Variants in MFSD6 observed in about 807,000 individuals in gnomAD.
MFSD6 encodes the protein major facilitator superfamily domain-containing protein 6.
In MFSD6, 26 loss-of-function variants were observed where a neutral mutation model predicts 56.3. That is an observed-to-expected ratio of 0.46 (90% confidence interval 0.34 to 0.64). MFSD6 has a LOEUF of 0.64. Ranked by LOEUF, MFSD6 falls within the 30% of genes least tolerant of loss-of-function variation. MFSD6 has a pLI of 0.01. For missense variants in MFSD6, 750 were observed against 986.2 expected (o/e 0.76, Z 3.21); for synonymous variants, 331 against 366.9 (o/e 0.90, Z 1.12).
At position 190,431,217 on chromosome 2, in the gene MFSD6, C is replaced by T. The variant is rs1685983804; in HGVS notation, c.-53-4760C>T. On this transcript the variant is annotated intron_variant, in intron 2 of 7. Coordinates refer to ENST00000392328, the MANE Select transcript of MFSD6 (RefSeq NM_017694.4). The surrounding 1 kb of genome is among the most constrained non-coding windows in gnomAD (Gnocchi z 4.4). ...CCGGGAAGAGGCGCTCCTCACTTCC[C>T]AGACTGGGCAGCCAGGCAGAGGGGC... Among the ~76,000 whole-genome samples, 1 of 150,788 alleles carries T rather than the reference C, an allele frequency of 6.6e-6. No homozygotes were observed. The highest frequency in any genetic ancestry group is 1.5e-5 in the Non-Finnish European group (1 of 67,750).
At chr2:190,481,841 G>GCTGCTT (rs975959351) in intron 4 of MFSD6, among the ~76,000 whole-genome samples, 20 of 152,166 alleles carry the variant, frequency 1.3e-4, no homozygotes, top group African/African-American at 4.3e-4. Flanking sequence ...TGCTGCTGCT[G>GCTGCTT]CTGCTAAGTC....
rs1226990363 is a variant in MFSD6 at position 190,459,633 on chromosome 2, GA to G, written c.1533-10118del. On this transcript the variant is annotated intron_variant, in intron 3 of 7. Coordinates refer to ENST00000392328, the MANE Select transcript of MFSD6 (RefSeq NM_017694.4). The surrounding 1 kb of genome is among the most constrained non-coding windows in gnomAD (Gnocchi z 5.3). ...CTACCTGGAGATACACACAACTTAAGAAAAAAACAGATAAACTAAAATAACA... is the reference window on the plus strand; with the variant it reads ...CTACCTGGAGATACACACAACTTAAGAAAAAACAGATAAACTAAAATAACA... Among the ~76,000 whole-genome samples, 9 of 151,964 alleles carry G rather than the reference GA, an allele frequency of 5.9e-5. No individual in the cohort carries two copies. The highest frequency in any genetic ancestry group is 1.5e-5 in the Non-Finnish European group (1 of 67,954).
chr2:190,420,978 C>G (rs1328631898), intron 2 of MFSD6, among the ~76,000 whole-genome samples: 1 of 152,156 alleles, frequency 6.6e-6, no homozygotes, highest in Non-Finnish European at 1.5e-5. Context: ...TTTGTTGATA[C>G]TGTGAGAACT....
In MFSD6 at chr2:190,418,902, G is replaced by A. The variant is rs1180298550; in HGVS notation, c.-54+3489G>A. On this transcript the variant is annotated intron_variant, in intron 2 of 7. Coordinates refer to ENST00000392328, the MANE Select transcript of MFSD6 (RefSeq NM_017694.4). This position sits in a 1 kb window ranked among gnomAD's most constrained non-coding sequence, Gnocchi z 4.1. ...GCCCGTGGGCAGTGCTGAGTGCCTG[G>A]AGGGCTCAGGCTGGAAACTGGGCTG... Among the ~76,000 whole-genome samples, 1 of 152,218 alleles carries A rather than the reference G, an allele frequency of 6.6e-6. No individual in the cohort carries two copies. The highest frequency in any genetic ancestry group is 1.5e-5 in the Non-Finnish European group (1 of 68,028).
rs375901596 is a variant in MFSD6 at position 190,500,200 on chromosome 2, G to A, written c.2358G>A (p.Leu786=). Residue 786 remains leucine (L), a synonymous_variant, in exon 8 of 8, where the codon CTG becomes CTA. Coordinates refer to ENST00000392328, the MANE Select transcript of MFSD6 (RefSeq NM_017694.4). The surrounding 1 kb of genome is among the most constrained non-coding windows in gnomAD (Gnocchi z 5.3). ...AGAGTGAAGAGCAGCAGGCTCAGCT[G>A]GCCGCGGGAGGACACTGAGGGCATC... ...TEESEEQQAQ[L]AAGGH is the part of the protein sequence containing the mutation. The A allele has an allele frequency of 1.7e-5, 28 of 1,614,146 alleles. 2 individuals are homozygous for A. In the African/African-American group the frequency reaches 2.4e-4, roughly 14 times the overall value.
chr2:190,475,594 C>T (rs569919503), intron 4 of MFSD6, among the ~76,000 whole-genome samples: 1 of 152,302 alleles, frequency 6.6e-6, no homozygotes, highest in East Asian at 1.9e-4. Context: ...ATTCCATGCT[C>T]ATGGATAGGA....
chr2:190,460,381 C>T (rs947957596), intron 3 of MFSD6, among the ~76,000 whole-genome samples: 6 of 152,170 alleles, frequency 3.9e-5, no homozygotes, highest in Non-Finnish European at 8.8e-5. Flanking sequence ...ATACCATAAT[C>T]AGATATCTTA....
chr2:190,412,143 A>T lies in MFSD6; in HGVS notation c.-175-3149A>T. ...CATAGTTCTATCCAATTCTATGTAA[A>T]ATTAACTAAAACCACTGCTTAGAAT... On this transcript the variant is annotated intron_variant, in intron 1 of 7. Coordinates refer to ENST00000392328, the MANE Select transcript of MFSD6 (RefSeq NM_017694.4). This position sits in a 1 kb window ranked among gnomAD's most constrained non-coding sequence, Gnocchi z 4.1. 3.0e-6 allele frequency: 3 copies of T among 983,902 alleles called. No homozygotes were observed. The highest frequency in any genetic ancestry group is 3.6e-6 in the Non-Finnish European group (3 of 828,544). The allele number at this position is 983,902 out of a possible 1,614,324, so 60.9% of individuals were successfully genotyped here. A position where few individuals can be genotyped will look rare whatever the true frequency, so the allele number is the denominator to read the frequency against.
At position 190,447,514 on chromosome 2, in the gene MFSD6, A is replaced by G. The variant is rs371576779; in HGVS notation, c.1532+9953A>G. Among the ~76,000 whole-genome samples, 4 of 152,216 alleles carry G rather than the reference A, an allele frequency of 2.6e-5. No homozygotes were observed. Among genetic ancestry groups the G allele is most frequent in the African/African-American group, 9.7e-5 (4 of 41,438 alleles). On this transcript the variant is annotated intron_variant, in intron 3 of 7. Transcript: ENST00000392328. The surrounding 1 kb of genome is among the most constrained non-coding windows in gnomAD (Gnocchi z 4.5). ...ATAGTCTGTGTCATAGCACATATGA[A>G]AAAATGACCTACCTAGTGATATAAA...
chr2:190,446,739 C>T (rs971328496), intron 3 of MFSD6, among the ~76,000 whole-genome samples: 1 of 152,278 alleles, frequency 6.6e-6, no homozygotes, highest in Non-Finnish European at 1.5e-5. Context: ...TCTGCTCAAC[C>T]CAAAACTACA....
In MFSD6 at chr2:190,413,343, A is replaced by T. The variant is rs1410474938; in HGVS notation, c.-175-1949A>T. Among the ~76,000 whole-genome samples the T allele has an allele frequency of 6.6e-6, 1 of 152,002 alleles. No homozygotes were observed. Among genetic ancestry groups the T allele is most frequent in the Non-Finnish European group, 1.5e-5 (1 of 68,014 alleles). On this transcript the variant is annotated intron_variant, in intron 1 of 7. Transcript: ENST00000392328. This position sits in a 1 kb window ranked among gnomAD's most constrained non-coding sequence, Gnocchi z 4.1. ...GGGAAGAAATTCAGACCCTTAAAAA[A>T]CCATGTTCAAGAGATGTGGAAAAAA...
rs2124984794 is a variant in MFSD6 at position 190,415,039 on chromosome 2, C to T, written c.-175-253C>T. Among the ~76,000 whole-genome samples the T allele has an allele frequency of 6.6e-6, 1 of 152,218 alleles. No individual in the cohort carries two copies. Among genetic ancestry groups the T allele is most frequent in the South Asian group, 2.1e-4 (1 of 4,828 alleles). Reference sequence around the variant, plus strand: ...TCTCTATAGCTTATTTACCTATTTTCACCATAACTTATTTAACTGTCCTTA... The same window carrying T: ...TCTCTATAGCTTATTTACCTATTTTTACCATAACTTATTTAACTGTCCTTA... On this transcript the variant is annotated intron_variant, in intron 1 of 7. Coordinates refer to ENST00000392328, the MANE Select transcript of MFSD6 (RefSeq NM_017694.4). This position sits in a 1 kb window ranked among gnomAD's most constrained non-coding sequence, Gnocchi z 4.5.
chr2:190,435,978 T>C lies in MFSD6; in HGVS notation c.-52T>C. The C allele has an allele frequency of 6.5e-7, 1 of 1,544,006 alleles. No individual in the cohort carries two copies. Reference sequence around the variant, plus strand: ...CATCTTTTAAATTTTACTTTACAGATCAACAGTACAAATTCTGAAGTTTGT... The same window carrying C: ...CATCTTTTAAATTTTACTTTACAGACCAACAGTACAAATTCTGAAGTTTGT... On this transcript the variant is annotated splice_region_variant and 5_prime_UTR_variant, in exon 3 of 8. Transcript: ENST00000392328.
rs746595017 is a variant in MFSD6 at position 190,497,607 on chromosome 2, C to T, written c.2060C>T (p.Ala687Val). 6.2e-7 allele frequency: 1 copy of T among 1,614,150 alleles called. No individual in the cohort carries two copies. Among genetic ancestry groups the T allele is most frequent in the Admixed American group, 1.7e-5 (1 of 60,016 alleles). Reference protein sequence around the residue: ...QEEQEDVNKPAWGVSSSPWVT... With the variant: ...QEEQEDVNKPVWGVSSSPWVT... ...GAACAGGAAGATGTGAACAAACCAG[C>T]CTGGGGAGTCAGCTCTTCTCCCTGG... is the stretch of plus-strand genomic sequence containing the variant. The change falls in exon 7 of 8, where the codon GCC becomes GTC. Residue 687 changes from alanine (A) to valine (V), a missense_variant. Coordinates refer to ENST00000392328, the MANE Select transcript of MFSD6 (RefSeq NM_017694.4). This position sits in a 1 kb window ranked among gnomAD's most constrained non-coding sequence, Gnocchi z 5.2.
Position 190,436,228 on chromosome 2 carries a change from G to C in MFSD6, c.199G>C (p.Asp67His), listed in dbSNP as rs760678916. 1 of 1,614,002 alleles carries C rather than the reference G, an allele frequency of 6.2e-7. No homozygotes were observed. Among genetic ancestry groups the C allele is most frequent in the Non-Finnish European group, 8.5e-7 (1 of 1,179,962 alleles). Residue 67 changes from aspartate to histidine, a missense_variant, in exon 3 of 8, where the codon GAT (aspartate) becomes CAT (histidine). By Grantham distance (81) the Asp-to-His change is moderately conservative. This residue lies in a region of MFSD6 where 76 missense variants were observed against 101.9 expected (regional missense o/e 0.75). Coordinates refer to ENST00000392328, the MANE Select transcript of MFSD6 (RefSeq NM_017694.4). The surrounding 1 kb of genome is among the most constrained non-coding windows in gnomAD (Gnocchi z 5.3). ...GAAACATTGTGTTAAGATAAACAAC[G>C]ATCTTCTAATTTCCAAGGTCTTTTA... ...IEKHCVKINN[D>H]LLISKVFYFF...
chr2:190,444,718 A>G (rs1034117144), intron 3 of MFSD6: 5 of 163,314 alleles, frequency 3.1e-5, no homozygotes, highest in African/African-American at 1.2e-4. Flanking sequence ...CAACATTTCT[A>G]CAGGGGTTAG....
chr2:190,487,407 T>C lies in MFSD6; in HGVS notation c.1631-1250T>C, dbSNP rs1387130923. Among the ~76,000 whole-genome samples the C allele has an allele frequency of 2.6e-5, 4 of 152,172 alleles. No homozygotes were observed. Among genetic ancestry groups the C allele is most frequent in the African/African-American group, 7.2e-5 (3 of 41,442 alleles). On this transcript the variant is annotated intron_variant, in intron 4 of 7. Coordinates refer to ENST00000392328, the MANE Select transcript of MFSD6 (RefSeq NM_017694.4). This position sits in a 1 kb window ranked among gnomAD's most constrained non-coding sequence, Gnocchi z 5.5. ...ATCATTAACCCCACTTGTGGAATTA[T>C]AGCCAATGTAAATAATCTAAGGTAT...
At position 190,463,513 on chromosome 2, in the gene MFSD6, A is replaced by G. The variant is rs866743008; in HGVS notation, c.1533-6245A>G. 4.6e-5 allele frequency among the ~76,000 whole-genome samples: 7 copies of G among 152,190 alleles called. No individual in the cohort carries two copies. Among genetic ancestry groups the G allele is most frequent in the Admixed American group, 1.3e-4 (2 of 15,288 alleles). On this transcript the variant is annotated intron_variant, in intron 3 of 7. Transcript: ENST00000392328. The surrounding 1 kb of genome is among the most constrained non-coding windows in gnomAD (Gnocchi z 4.4). ...AAAAATTTTTTTTAGGGACAAGTTT[A>G]TATAGACCATAAAAGGATAATCTGG...
intron 4 of MFSD6, among the ~76,000 whole-genome samples, chr2:190,476,819 G>A (rs1389483068): frequency 6.6e-6 from 1 of 152,102 alleles, no homozygotes; most frequent in Non-Finnish European, 1.5e-5. Context: ...GTCCAACAGT[G>A]ATAGACTGGA....
Sources: allele counts gnomAD v4.1 joint callset (sites outside exome capture counted in the v4.1 genomes callset), GRCh38; gene constraint gnomAD v4.1.1; regional missense constraint gnomAD v4.1.1; non-coding constraint Gnocchi (gnomAD v3.1); transcripts MANE v1.5; gene names NCBI Gene and HGNC (gene_info 2026-07-23, HGNC 2026-07-21).